CAMTA1: variants seen among roughly 807,000 people sequenced by gnomAD.
CAMTA1 encodes the protein calmodulin binding transcription activator 1.
Under a neutral mutation model 170.9 loss-of-function variants are expected in CAMTA1, and 27 were observed. The ratio of observed to expected loss-of-function variants is 0.16; its 90% CI spans 0.12 to 0.22. The LOEUF (loss-of-function observed/expected upper bound fraction) is 0.22. Ranked by LOEUF, CAMTA1 falls within the 10% of genes least tolerant of loss-of-function variation. CAMTA1 has a pLI of 1.00. For synonymous variants in CAMTA1, 833 were observed against 891.5 expected, an observed-to-expected ratio of 0.93 and a Z score of 1.17; for missense variants, 1,619 against 2,217.2, an observed-to-expected ratio of 0.73 and a Z score of 5.42.
chr1:7,644,600 T>G (rs1380640402), intron 7 of CAMTA1, among the ~76,000 whole-genome samples: 1 of 152,160 alleles, frequency 6.6e-6, no homozygotes, highest in Non-Finnish European at 1.5e-5. Context: ...TGGTCCAAAA[T>G]GGCTACTCCA....
At chr1:7,687,159 A>G (rs1294659549) in intron 11 of CAMTA1, among the ~76,000 whole-genome samples, 2 of 151,850 alleles carry the variant, frequency 1.3e-5, no homozygotes, top group Non-Finnish European at 1.5e-5. Context: ...AACAGCACAG[A>G]TGAAGCAGAG....
chr1:7,661,980 G>A, intron 8 of CAMTA1, 114 bp downstream of exon 8: 1 of 1,227,864 alleles, frequency 8.1e-7, no homozygotes, highest in Admixed American at 2.4e-5. Context: ...AGGGAGGAGG[G>A]GGACAGTCAG....
chr1:7,033,341 G>A (rs140858183), intron 3 of CAMTA1, among the ~76,000 whole-genome samples: 104 of 152,144 alleles, frequency 6.8e-4, no homozygotes, highest in Non-Finnish European at 9.3e-4. Flanking sequence ...GGTTTTCACT[G>A]CAGTTTGCAT....
intron 5 of CAMTA1, among the ~76,000 whole-genome samples, chr1:7,462,178 A>G (rs772522044): frequency 6.6e-6 from 1 of 152,210 alleles, no homozygotes; most frequent in Admixed American, 6.5e-5. Flanking sequence ...CCCAGGCTGG[A>G]GTGCAATGGT....
chr1:7,766,658 ATTTTAACAGGAATG>A lies in CAMTA1; in HGVS notation c.*172_*185del, dbSNP rs2097027063. 2 of 564,530 alleles carry A rather than the reference ATTTTAACAGGAATG, an allele frequency of 3.5e-6. No homozygotes were observed. Among genetic ancestry groups the A allele is most frequent in the Non-Finnish European group, 6.3e-6 (2 of 317,448 alleles). The allele number at this position is 564,530 out of a possible 1,614,324, so 35.0% of individuals were successfully genotyped here. On this transcript the variant is annotated 3_prime_UTR_variant, in exon 23 of 23. Coordinates refer to ENST00000303635, the MANE Select transcript of CAMTA1 (RefSeq NM_015215.4). ...CAGTTTTGGGGAGATCAGCTGCAGG[ATTTTAACAGGAATG>A]TTTTGGTCATTGCATTTGCACTTTC...
At chr1:7,655,421 C>CA (rs398102419) in intron 7 of CAMTA1, among the ~76,000 whole-genome samples, 1 of 147,540 alleles carries the variant, frequency 6.8e-6, no homozygotes, top group African/African-American at 2.5e-5. Context: ...TACACACACA[C>CA]CTATCCACAT....
chr1:7,757,389 A>G (rs1470470547), intron 22 of CAMTA1, among the ~76,000 whole-genome samples: 2 of 152,246 alleles, frequency 1.3e-5, no homozygotes, highest in Admixed American at 1.3e-4. Context: ...ATTTTGGCCC[A>G]CAGGTTGTAG....
chr1:6,966,140 C>G (rs936547453), intron 3 of CAMTA1, among the ~76,000 whole-genome samples: 6 of 152,128 alleles, frequency 3.9e-5, no homozygotes, highest in African/African-American at 1.4e-4. Flanking sequence ...AAGCCCCACA[C>G]CAGGACAAAC....
At chr1:7,398,513 C>G (rs971008814) in intron 5 of CAMTA1, among the ~76,000 whole-genome samples, 10 of 151,998 alleles carry the variant, frequency 6.6e-5, no homozygotes, top group African/African-American at 2.4e-4. Flanking sequence ...TGAACTGAAT[C>G]TCTTGTAGGC....
rs1044051142 is a variant in CAMTA1, at chr1:6,916,140, G to A, written c.234+90930G>A. Reference sequence around the variant, plus strand: ...AGCCAGGGGCATGTGATGTCTTTGTGTTCTTCCTCTTTGCTTTCTCCTGCT... The same window carrying A: ...AGCCAGGGGCATGTGATGTCTTTGTATTCTTCCTCTTTGCTTTCTCCTGCT... On this transcript the variant is annotated intron_variant, in intron 3 of 22. Coordinates refer to ENST00000303635, the MANE Select transcript of CAMTA1 (RefSeq NM_015215.4). Among the ~76,000 whole-genome samples the A allele has an allele frequency of 1.6e-4, 25 of 152,246 alleles. No homozygotes were observed. In the East Asian group the frequency reaches 4.6e-3, roughly 28 times the overall value.
At chr1:7,217,203 A>G (rs1249579676) in intron 4 of CAMTA1, among the ~76,000 whole-genome samples, 3 of 152,152 alleles carry the variant, frequency 2.0e-5, no homozygotes, top group Non-Finnish European at 4.4e-5. Context: ...TGATCGTTTT[A>G]TAAGGGGCTT....
At chr1:7,029,612 C>CT (rs1487057672) in intron 3 of CAMTA1, among the ~76,000 whole-genome samples, 3 of 151,276 alleles carry the variant, frequency 2.0e-5, no homozygotes, top group Non-Finnish European at 2.9e-5. Flanking sequence ...CTCTCTCTCT[C>CT]TCTTTTTTGC....
At chr1:7,086,933 C>G (rs1165259152) in intron 3 of CAMTA1, among the ~76,000 whole-genome samples, 1 of 152,168 alleles carries the variant, frequency 6.6e-6, no homozygotes, top group Non-Finnish European at 1.5e-5. Flanking sequence ...TGCTTTTGCC[C>G]CAGCCTCCTA....
At chr1:7,497,176 C>T (rs1296504007) in intron 6 of CAMTA1, among the ~76,000 whole-genome samples, 1 of 152,138 alleles carries the variant, frequency 6.6e-6, no homozygotes, top group Non-Finnish European at 1.5e-5. Context: ...GAGAAGCTGC[C>T]CGTCTCACAC....
intron 5 of CAMTA1, among the ~76,000 whole-genome samples, chr1:7,423,242 A>C (rs2091680950): frequency 6.6e-6 from 1 of 152,172 alleles, no homozygotes; most frequent in Admixed American, 6.5e-5. Context: ...AGGCCGAGGC[A>C]GGTGGATCAC....
At chr1:7,021,206 G>A (rs1353087781) in intron 3 of CAMTA1, among the ~76,000 whole-genome samples, 5 of 152,222 alleles carry the variant, frequency 3.3e-5, no homozygotes, top group Admixed American at 6.5e-5. Context: ...GCTTCTGAAC[G>A]TGGCCGTGAT....
At chr1:7,051,055 G>A (rs537964081) in intron 3 of CAMTA1, among the ~76,000 whole-genome samples, 2 of 152,168 alleles carry the variant, frequency 1.3e-5, no homozygotes, top group Non-Finnish European at 2.9e-5. Context: ...TGTTTTGGTC[G>A]TGATTGGTGA....
chr1:7,618,676 C>T (rs924593720), intron 6 of CAMTA1, among the ~76,000 whole-genome samples: 1 of 152,234 alleles, frequency 6.6e-6, no homozygotes, highest in African/African-American at 2.4e-5. Context: ...CATCCCCTCT[C>T]CTTGTCAGCT....
chr1:7,380,676 A>G (rs2087227717), intron 5 of CAMTA1, among the ~76,000 whole-genome samples: 2 of 152,258 alleles, frequency 1.3e-5, no homozygotes, highest in African/African-American at 4.8e-5. Context: ...CTTAGTAAGA[A>G]TGTGGCATAA....
Sources: gnomAD v4.1 joint callset for allele counts (sites outside exome capture counted in the v4.1 genomes callset) on GRCh38, gnomAD v4.1.1 for gene constraint, MANE v1.5 for transcripts, NCBI Gene and HGNC (gene_info 2026-07-23, HGNC 2026-07-21) for gene names.